Variants in KLF12 observed in about 807,000 individuals in gnomAD.
KLF12 encodes the protein KLF transcription factor 12, also known as Krueppel-like factor 12.
KLF12 carries 9 observed loss-of-function variants against 37.8 expected under a neutral mutation model. The observed-to-expected ratio is 0.24, with a 90% CI of 0.14 to 0.42. KLF12 has a LOEUF of 0.42. Among genes scored for constraint, KLF12 ranks in the 10% least tolerant of loss-of-function variants. The pLI is 1.00. For missense variants in KLF12, 411 were observed against 516.0 expected, an observed-to-expected ratio of 0.80 and a Z score of 1.97; for synonymous variants, 208 against 202.1, an observed-to-expected ratio of 1.03 and a Z score of -0.25.
chr13:74,275,094 G>A, the KLF12 span, among the ~76,000 whole-genome samples: 4 of 152,180 alleles, frequency 2.6e-5, no homozygotes, highest in Non-Finnish European at 4.4e-5. Context: ...CATGGAGAGA[G>A]CCATGTGAGG....
chr13:73,790,980 C>T (rs1398825109), intron 5 of KLF12, among the ~76,000 whole-genome samples: 1 of 152,178 alleles, frequency 6.6e-6, no homozygotes, highest in African/African-American at 2.4e-5. Context: ...TTTTTCTAGT[C>T]TGATCTTGAC....
chr13:74,241,050 C>G, the KLF12 span, among the ~76,000 whole-genome samples: 1 of 152,156 alleles, frequency 6.6e-6, no homozygotes, highest in Non-Finnish European at 1.5e-5. Flanking sequence ...TGTTTCTGCT[C>G]TGTTTTTTCC....
chr13:74,287,349 TGAGA>T, the KLF12 span, among the ~76,000 whole-genome samples: 16,712 of 71,568 alleles, frequency 0.23, 1,504 homozygotes, highest in Non-Finnish European at 0.28. Context: ...CTATCAAAGT[TGAGA>T]GAGAGAGAGA....
chr13:73,920,003 C>A (rs1366367556), intron 3 of KLF12, among the ~76,000 whole-genome samples: 5 of 152,208 alleles, frequency 3.3e-5, no homozygotes, highest in African/African-American at 9.7e-5. Context: ...AGAGAATTTG[C>A]TGTCGGGACA....
chr13:73,698,650 T>A (rs1363873534), intron 7 of KLF12, among the ~76,000 whole-genome samples: 2 of 152,202 alleles, frequency 1.3e-5, no homozygotes, highest in African/African-American at 4.8e-5. Flanking sequence ...TGTCCATAAA[T>A]AAGTTTTTAT....
chr13:74,108,024 A>C (rs1167876833), intron 1 of KLF12, among the ~76,000 whole-genome samples: 1 of 152,166 alleles, frequency 6.6e-6, no homozygotes, highest in Non-Finnish European at 1.5e-5. Flanking sequence ...CTAAGTTTTC[A>C]ATGTACTATT....
At chr13:74,160,608 T>G in the KLF12 span, among the ~76,000 whole-genome samples, 1 of 152,182 alleles carries the variant, frequency 6.6e-6, no homozygotes, top group Non-Finnish European at 1.5e-5. Flanking sequence ...CCCCTGGGGT[T>G]TTGGCTTCTT....
chr13:74,111,846 A>G (rs185500510), intron 1 of KLF12, among the ~76,000 whole-genome samples: 259 of 152,328 alleles, frequency 1.7e-3, no homozygotes, highest in Middle Eastern at 3.4e-3. Flanking sequence ...ATATGTTTTT[A>G]AAAGTTCCAC....
Position 73,995,043 on chromosome 13 carries a change from T to C in KLF12, c.-21A>G, listed in dbSNP as rs1367380486. Reference sequence around the variant, plus strand: ...TTCATTCATCCATTTGTTCTTAGAGTCACATTGATCCTGCAAGAAAAACAC... The same window carrying C: ...TTCATTCATCCATTTGTTCTTAGAGCCACATTGATCCTGCAAGAAAAACAC... On this transcript the variant is annotated 5_prime_UTR_variant, in exon 2 of 8. It removes the in-frame stop codon of an upstream open reading frame in the 5' UTR. Transcript: ENST00000377669. The C allele has an allele frequency of 1.2e-6, 2 of 1,601,524 alleles. No homozygotes were observed. The highest frequency in any genetic ancestry group is 1.7e-5 in the Admixed American group (1 of 59,108).
At chr13:73,974,857 T>C (rs775750392) in intron 2 of KLF12, among the ~76,000 whole-genome samples, 23 of 152,228 alleles carry the variant, frequency 1.5e-4, no homozygotes, top group Non-Finnish European at 2.8e-4. Flanking sequence ...CAGATTTAAA[T>C]GCAACACTAT....
At chr13:74,154,295 T>C in the KLF12 span, among the ~76,000 whole-genome samples, 2 of 152,188 alleles carry the variant, frequency 1.3e-5, no homozygotes, top group Non-Finnish European at 2.9e-5. Flanking sequence ...CTTATAAACA[T>C]AAATTGTATT....
At chr13:73,943,300 A>G (rs1014565209) in intron 3 of KLF12, among the ~76,000 whole-genome samples, 1 of 152,204 alleles carries the variant, frequency 6.6e-6, no homozygotes, top group African/African-American at 2.4e-5. Context: ...AAAGTTGCCA[A>G]TGCTGCAACC....
At chr13:73,797,564 T>C (rs897520229) in intron 5 of KLF12, among the ~76,000 whole-genome samples, 2 of 151,990 alleles carry the variant, frequency 1.3e-5, no homozygotes, top group Non-Finnish European at 2.9e-5. Context: ...GAGGCCACGA[T>C]TTCGAGACCA....
rs528381392 is a variant in KLF12 at position 73,937,208 on chromosome 13, A to G, written c.123+6773T>C. Among the ~76,000 whole-genome samples, 13 of 152,222 alleles carry G rather than the reference A, an allele frequency of 8.5e-5. No homozygotes were observed. The East Asian group carries it at 2.5e-3, about 29-fold the overall frequency. Reference sequence around the variant, plus strand: ...CGTCTCAAAAAAAAATAAATAAATAAAAAAGGATATTTTTTGTGATGCACT... The same window carrying G: ...CGTCTCAAAAAAAAATAAATAAATAGAAAAGGATATTTTTTGTGATGCACT... On this transcript the variant is annotated intron_variant, in intron 3 of 7. Transcript: ENST00000377669.
intron 1 of KLF12, among the ~76,000 whole-genome samples, chr13:74,024,258 T>C (rs570771752): frequency 6.6e-6 from 1 of 152,350 alleles, no homozygotes; most frequent in South Asian, 2.1e-4. Context: ...TCATCAACTA[T>C]ATTTCAGGAG....
chr13:73,687,216 T>C lies in KLF12; in HGVS notation c.*8274A>G, dbSNP rs745305813. On this transcript the variant is annotated 3_prime_UTR_variant, in exon 8 of 8. Coordinates refer to ENST00000377669, the MANE Select transcript of KLF12 (RefSeq NM_007249.5). ...TGCATTATGATGCAGGATGACATAA[T>C]ACATAAGACGATGTTTTCAAGCTGG... 2.6e-5 allele frequency: 4 copies of C among 152,636 alleles called. No individual in the cohort carries two copies. The highest frequency in any genetic ancestry group is 7.2e-5 in the African/African-American group (3 of 41,462). 9.5% of individuals were successfully genotyped at this position (152,636 alleles called of 1,614,324 possible). A position where few individuals can be genotyped will look rare whatever the true frequency, so the allele number is the denominator to read the frequency against.
the KLF12 span, among the ~76,000 whole-genome samples, chr13:74,166,595 A>C: frequency 6.6e-6 from 1 of 152,052 alleles, no homozygotes; most frequent in African/African-American, 2.4e-5. Context: ...CCGACATATA[A>C]GTTCTCCCGA....
chr13:74,147,093 T>C, the KLF12 span, among the ~76,000 whole-genome samples: 1 of 152,252 alleles, frequency 6.6e-6, no homozygotes, highest in Admixed American at 6.5e-5. Flanking sequence ...AGGCTTTTTA[T>C]ACCCTCACTG....
At chr13:73,698,096 G>T (rs1274630262) in intron 7 of KLF12, among the ~76,000 whole-genome samples, 2 of 151,870 alleles carry the variant, frequency 1.3e-5, no homozygotes, top group African/African-American at 4.8e-5. Flanking sequence ...GTTTAAGGCC[G>T]CAGTGAGCTA....
Sources: allele counts gnomAD v4.1 joint callset (sites outside exome capture counted in the v4.1 genomes callset), GRCh38; gene constraint gnomAD v4.1.1; transcripts MANE v1.5; gene names NCBI Gene and HGNC (gene_info 2026-07-23, HGNC 2026-07-21).